Variants in DYM observed in about 807,000 individuals in gnomAD.
DYM encodes the protein dymeclin.
In DYM, 78 loss-of-function variants were observed where a neutral mutation model predicts 93.1. The ratio of observed to expected loss-of-function variants is 0.84; its 90% CI spans 0.70 to 1.01. The LOEUF (loss-of-function observed/expected upper bound fraction) is 1.01. DYM is among the 50% of genes least tolerant of loss of function. The pLI is 0.00. For missense variants in DYM, 789 were observed against 845.0 expected (o/e 0.93, Z 0.82); for synonymous variants, 321 against 319.7 (o/e 1.00, Z -0.04).
chr18:49,406,509 C>T (rs1362506425), intron 2 of DYM, among the ~76,000 whole-genome samples: 2 of 151,768 alleles, frequency 1.3e-5, no homozygotes, highest in Admixed American at 6.6e-5. Context: ...TGCAGAGAGC[C>T]GAGATCATGC....
rs1434014726 is a variant in DYM at position 49,266,890 on chromosome 18, T to C, written c.1251+5288A>G. Among the ~76,000 whole-genome samples, 4 of 152,160 alleles carry C rather than the reference T, an allele frequency of 2.6e-5. No homozygotes were observed. The East Asian group carries it at 7.7e-4, about 29-fold the overall frequency. On this transcript the variant is annotated intron_variant, in intron 11 of 17. Coordinates refer to ENST00000675505, the MANE Select transcript of DYM (RefSeq NM_001353214.3). ...AGTCTGAAAACCATTTTCATATATT[T>C]TGCTTACAGTGGAAAAGCAGAAGGA...
chr18:49,242,280 GGT>G (rs926685845), intron 13 of DYM, among the ~76,000 whole-genome samples: 1 of 152,156 alleles, frequency 6.6e-6, no homozygotes, highest in Admixed American at 6.5e-5. Context: ...TGAGCATGGT[GGT>G]GTGTGCCTGT....
chr18:49,096,392 A>C (rs924063105), intron 17 of DYM, among the ~76,000 whole-genome samples: 1 of 152,206 alleles, frequency 6.6e-6, no homozygotes, highest in African/African-American at 2.4e-5. Flanking sequence ...AATATCTCTC[A>C]AGCATTCATT....
chr18:49,337,382 A>G (rs774773204), intron 6 of DYM, among the ~76,000 whole-genome samples: 1 of 152,076 alleles, frequency 6.6e-6, no homozygotes, highest in Non-Finnish European at 1.5e-5. Context: ...TGTGGATTGG[A>G]TGGGGCACGA....
intron 12 of DYM, 141 bp from the exon 13 acceptor site, chr18:49,257,245 T>A (rs2094408193): frequency 1.1e-5 from 8 of 707,712 alleles, no homozygotes; most frequent in Middle Eastern, 2.6e-4. Flanking sequence ...TTTTTCTAAT[T>A]CCTAAATCCA....
intron 1 of DYM, among the ~76,000 whole-genome samples, chr18:49,448,725 T>TC (rs1408141590): frequency 6.6e-6 from 1 of 152,204 alleles, no homozygotes; most frequent in Non-Finnish European, 1.5e-5. Context: ...GCCACCTTTT[T>TC]CTCTAAGTGG....
chr18:49,334,104 T>C (rs934715985), intron 6 of DYM, among the ~76,000 whole-genome samples: 1 of 152,236 alleles, frequency 6.6e-6, no homozygotes, highest in African/African-American at 2.4e-5. Flanking sequence ...TCCTATTAAA[T>C]GACAAGTCTA....
chr18:49,201,827 G>A (rs1046301108), intron 14 of DYM, among the ~76,000 whole-genome samples: 20 of 152,126 alleles, frequency 1.3e-4, no homozygotes, highest in African/African-American at 4.8e-4. Flanking sequence ...AGAAGAGATC[G>A]CTTTTTATAT....
intron 8 of DYM, among the ~76,000 whole-genome samples, chr18:49,311,016 A>T (rs2061556862): frequency 6.6e-6 from 1 of 152,216 alleles, no homozygotes; most frequent in Non-Finnish European, 1.5e-5. Context: ...TGCATTTTTT[A>T]AGAATCTTTG....
intron 14 of DYM, among the ~76,000 whole-genome samples, chr18:49,174,763 C>T (rs2089191567): frequency 6.6e-6 from 1 of 152,062 alleles, no homozygotes; most frequent in South Asian, 2.1e-4. Context: ...CCGGAGTTGG[C>T]TATGGTCACG....
intron 8 of DYM, among the ~76,000 whole-genome samples, chr18:49,290,782 G>A (rs1247067044): frequency 1.3e-5 from 2 of 152,144 alleles, no homozygotes; most frequent in Non-Finnish European, 2.9e-5. Context: ...TCGTCATGGA[G>A]CAGAGTGGGA....
intron 16 of DYM, 149 bp downstream of exon 16, chr18:49,118,595 C>A: frequency 1.3e-6 from 1 of 745,912 alleles, no homozygotes; most frequent in Non-Finnish European, 2.3e-6. Flanking sequence ...ACACAGATTA[C>A]CACAACTATT....
chr18:49,294,780 G>C (rs1441479818), intron 8 of DYM, among the ~76,000 whole-genome samples: 1 of 151,630 alleles, frequency 6.6e-6, no homozygotes, highest in African/African-American at 2.4e-5. Context: ...TATTCAATCA[G>C]AACTATACCA....
intron 14 of DYM, among the ~76,000 whole-genome samples, chr18:49,190,750 G>A (rs1264986781): frequency 1.3e-5 from 2 of 151,986 alleles, no homozygotes; most frequent in Non-Finnish European, 2.9e-5. Context: ...TTTCTTCCAC[G>A]TCTGCCACCC....
At chr18:49,298,003 T>C (rs1373569544) in intron 8 of DYM, among the ~76,000 whole-genome samples, 1 of 152,174 alleles carries the variant, frequency 6.6e-6, no homozygotes. Context: ...CATGTTATAA[T>C]GCTAGGAAAG....
chr18:49,286,484 T>C lies in DYM; in HGVS notation c.896A>G (p.Asp299Gly). Reference protein sequence around the residue: ...LVLANLTDASDAPNPYRQAIM... With the variant: ...LVLANLTDASGAPNPYRQAIM... ...GGCTTGTCTGTAGGGGTTTGGCGCA[T>C]CTGAGGCATCTGTCAGATTGGCCAA... Residue 299 changes from aspartate to glycine, a missense_variant, in exon 9 of 18, where the codon GAT becomes GGT. Asp to Gly is a moderately conservative substitution (Grantham distance 94). Transcript: ENST00000675505. The C allele has an allele frequency of 1.9e-6, 3 of 1,614,146 alleles. No individual in the cohort carries two copies. The highest frequency in any genetic ancestry group is 2.5e-6 in the Non-Finnish European group (3 of 1,179,990).
intron 8 of DYM, among the ~76,000 whole-genome samples, chr18:49,290,817 C>T (rs1340708377): frequency 6.6e-6 from 1 of 152,086 alleles, no homozygotes; most frequent in Non-Finnish European, 1.5e-5. Context: ...AGGAGAGTCT[C>T]AGACTTTGTT....
intron 8 of DYM, among the ~76,000 whole-genome samples, chr18:49,295,298 T>C (rs933669413): frequency 2.0e-5 from 3 of 152,208 alleles, no homozygotes; most frequent in Non-Finnish European, 4.4e-5. Flanking sequence ...TTTCTTCTTT[T>C]TGATAAAAAT....
chr18:49,118,578 A>AAC, intron 16 of DYM, 166 bp downstream of exon 16: 1 of 676,500 alleles, frequency 1.5e-6, no homozygotes. Context: ...GTGTATATAC[A>AAC]ACACACACAC....
Sources: allele counts gnomAD v4.1 joint callset (sites outside exome capture counted in the v4.1 genomes callset), GRCh38; gene constraint gnomAD v4.1.1; transcripts MANE v1.5; gene names NCBI Gene and HGNC (gene_info 2026-07-23, HGNC 2026-07-21).